Variants in CEP128 observed in about 807,000 individuals in gnomAD.
The protein encoded by CEP128 is centrosomal protein 128.
CEP128 carries 132 observed loss-of-function variants against 156.7 expected under a neutral mutation model. The observed-to-expected ratio is 0.84, with a 90% confidence interval of 0.73 to 0.97. The LOEUF (loss-of-function observed/expected upper bound fraction) is 0.97, where lower values mean the gene tolerates loss of function less well. Among genes scored for constraint, CEP128 ranks in the 50% least tolerant of loss-of-function variants. CEP128 has a pLI of 0.00. For synonymous variants in CEP128, 469 were observed against 448.9 expected (o/e 1.04, Z -0.57); for missense variants, 1,252 against 1,281.9 (o/e 0.98, Z 0.36).
chr14:80,682,360 T>C (rs1324565257), intron 19 of CEP128, among the ~76,000 whole-genome samples: 1 of 152,170 alleles, frequency 6.6e-6, no homozygotes, highest in Non-Finnish European at 1.5e-5. Flanking sequence ...GCTTGAAAAT[T>C]GGTGTTTTAA....
At chr14:80,695,617 T>C (rs1896865855) in intron 19 of CEP128, among the ~76,000 whole-genome samples, 1 of 150,830 alleles carries the variant, frequency 6.6e-6, no homozygotes. Context: ...CTCGGGAGGC[T>C]GAGGCAGGAG....
chr14:80,779,496 T>G (rs1724562613), intron 15 of CEP128, among the ~76,000 whole-genome samples: 2 of 152,240 alleles, frequency 1.3e-5, no homozygotes, highest in Non-Finnish European at 2.9e-5. Flanking sequence ...TGCTTTTACT[T>G]TTCTTTATGT....
chr14:80,752,865 T>C (rs1363299605), intron 18 of CEP128, among the ~76,000 whole-genome samples: 1 of 152,184 alleles, frequency 6.6e-6, no homozygotes, highest in Non-Finnish European at 1.5e-5. Flanking sequence ...TAAAGCTACA[T>C]CAGTTAAACA....
chr14:80,766,835 G>A (rs998504999), intron 16 of CEP128, among the ~76,000 whole-genome samples: 1 of 151,912 alleles, frequency 6.6e-6, no homozygotes, highest in Non-Finnish European at 1.5e-5. Context: ...TAGGATAAAA[G>A]GTAGAGAAAG....
In CEP128 at chr14:80,563,524, C is replaced by CTTTTTT. The variant is rs540593415; in HGVS notation, c.2857-4228_2857-4223dup. Among the ~76,000 whole-genome samples, 121 of 78,874 alleles carry CTTTTTT rather than the reference C, an allele frequency of 1.5e-3. 15 individuals are homozygous for CTTTTTT. Among genetic ancestry groups the CTTTTTT allele is most frequent in the African/African-American group, 6.9e-3 (117 of 16,974 alleles). 51.7% of individuals were successfully genotyped at this position (78,874 alleles called of 152,430 possible). ...GAAGCCTACCCATGGGCCTCCAAATCTTTTTTTTTTTTTTTTTTTTTTTTT... is the reference window on the plus strand; with the variant it reads ...GAAGCCTACCCATGGGCCTCCAAATCTTTTTTTTTTTTTTTTTTTTTTTTTTTTTTT... On this transcript the variant is annotated intron_variant, in intron 20 of 24. Transcript: ENST00000555265.
In CEP128 at chr14:80,899,895, C is replaced by T. The variant is rs368391798; in HGVS notation, c.572+43G>A. The T allele has an allele frequency of 7.6e-6, 10 of 1,322,994 alleles. No homozygotes were observed. The African/African-American group carries it at 1.0e-4, about 13-fold the overall frequency. The allele number at this position is 1,322,994 out of a possible 1,614,324, so 82.0% of individuals were successfully genotyped here. A position where few individuals can be genotyped will look rare whatever the true frequency, so the allele number is the denominator to read the frequency against. On this transcript the variant is annotated intron_variant, in intron 7 of 24. Coordinates refer to ENST00000555265, the MANE Select transcript of CEP128 (RefSeq NM_152446.5). ...CAATTACAGAAGCTAATTTATTCTC[C>T]TCATAATTTATCCCTCCCATAAAAA...
chr14:80,567,718 TA>T (rs565399554), intron 20 of CEP128, among the ~76,000 whole-genome samples: 173 of 152,258 alleles, frequency 1.1e-3, no homozygotes, highest in Middle Eastern at 3.4e-3. Context: ...AAACTGCTCG[TA>T]ACAGGTAACA....
Position 80,788,271 on chromosome 14 carries a change from C to T in CEP128, c.1561-2726G>A, listed in dbSNP as rs1370644565. 5.4e-5 allele frequency among the ~76,000 whole-genome samples: 7 copies of T among 129,380 alleles called. No homozygotes were observed. In the East Asian group the frequency reaches 1.7e-3, roughly 32 times the overall value. The allele number at this position is 129,380 out of a possible 152,430, so 84.9% of individuals were successfully genotyped here. A position where few individuals can be genotyped will look rare whatever the true frequency, so the allele number is the denominator to read the frequency against. On this transcript the variant is annotated intron_variant, in intron 14 of 24. Transcript: ENST00000555265. ...AATCAAAACAGTGGAATTGGGTTCT[C>T]TTTGTCTGGCCAGGATCTTTTTTTT...
intron 19 of CEP128, among the ~76,000 whole-genome samples, chr14:80,739,049 C>T (rs974156606): frequency 5.9e-5 from 9 of 152,190 alleles, no homozygotes; most frequent in South Asian, 2.1e-4. Flanking sequence ...CTTCTACCAA[C>T]GCAGGTCATG....
intron 19 of CEP128, among the ~76,000 whole-genome samples, chr14:80,671,244 TA>T: frequency 6.6e-6 from 1 of 152,244 alleles, no homozygotes; most frequent in Non-Finnish European, 1.5e-5. Flanking sequence ...ACTAAATAAA[TA>T]AAAGCAAATA....
intron 19 of CEP128, among the ~76,000 whole-genome samples, chr14:80,702,455 C>T (rs1280998799): frequency 6.6e-6 from 1 of 152,138 alleles, no homozygotes; most frequent in Admixed American, 6.6e-5. Context: ...CCCAGTTTCC[C>T]AGTTCAGGCC....
At chr14:80,586,228 A>C (rs1198946647) in intron 19 of CEP128, among the ~76,000 whole-genome samples, 1 of 152,228 alleles carries the variant, frequency 6.6e-6, no homozygotes, top group African/African-American at 2.4e-5. Flanking sequence ...TTAAGGAAAC[A>C]GAAGTGGAGG....
chr14:80,497,714 A>G, intron 24 of CEP128, 132 bp from the exon 25 acceptor site: 3 of 642,236 alleles, frequency 4.7e-6, no homozygotes. Flanking sequence ...CTTCACATGG[A>G]CTAACAGACC....
intron 6 of CEP128, among the ~76,000 whole-genome samples, chr14:80,901,751 C>T (rs981013023): frequency 6.6e-6 from 1 of 152,164 alleles, no homozygotes; most frequent in Non-Finnish European, 1.5e-5. Flanking sequence ...CACTAAAATG[C>T]TTTTAATTCT....
At chr14:80,664,415 C>T (rs1895527613) in intron 19 of CEP128, among the ~76,000 whole-genome samples, 1 of 151,804 alleles carries the variant, frequency 6.6e-6, no homozygotes, top group East Asian at 1.9e-4. Flanking sequence ...TGAGAAAGAG[C>T]TATCAGAGGG....
intron 14 of CEP128, among the ~76,000 whole-genome samples, chr14:80,485,080 T>C (rs1421775860): frequency 1.3e-5 from 2 of 152,120 alleles, no homozygotes; most frequent in Non-Finnish European, 2.9e-5. Context: ...GCTCCAGAAC[T>C]GCATTGTTCT....
intron 2 of CEP128, among the ~76,000 whole-genome samples, chr14:80,931,994 TG>T (rs1275753310): frequency 1.3e-5 from 2 of 152,168 alleles, no homozygotes; most frequent in Non-Finnish European, 2.9e-5. Context: ...GAGAGACTGG[TG>T]GGAGGTAATT....
intron 16 of CEP128, among the ~76,000 whole-genome samples, chr14:80,770,640 TAAG>T (rs1367956359): frequency 6.6e-6 from 1 of 152,166 alleles, no homozygotes; most frequent in East Asian, 1.9e-4. Context: ...TTGTTTTTAT[TAAG>T]AAGATGGGAA....
chr14:80,547,384 T>C (rs1389815562), intron 21 of CEP128, among the ~76,000 whole-genome samples: 1 of 152,234 alleles, frequency 6.6e-6, no homozygotes, highest in East Asian at 1.9e-4. Context: ...TCTTTACGCA[T>C]ATCTTCATTA....
Sources: allele counts gnomAD v4.1 joint callset (sites outside exome capture counted in the v4.1 genomes callset), GRCh38; gene constraint gnomAD v4.1.1; transcripts MANE v1.5; gene names NCBI Gene and HGNC (gene_info 2026-07-23, HGNC 2026-07-21).